SKAP1: variants seen among roughly 807,000 people sequenced by gnomAD.
SKAP1 encodes the protein src kinase-associated phosphoprotein 1.
In SKAP1, 44 loss-of-function variants were observed where a neutral mutation model predicts 58.5. The ratio of observed to expected loss-of-function variants is 0.75; its 90% CI spans 0.59 to 0.97. The LOEUF (loss-of-function observed/expected upper bound fraction) is 0.97, where lower values mean the gene tolerates loss of function less well. SKAP1 is among the 50% of genes least tolerant of loss of function. The probability of loss-of-function intolerance (pLI) is 0.00; values close to 1 mark genes in which losing one functional copy is unlikely to be tolerated. For synonymous variants in SKAP1, 127 were observed against 149.7 expected, an observed-to-expected ratio of 0.85 and a Z score of 1.11; for missense variants, 390 against 435.2, an observed-to-expected ratio of 0.90 and a Z score of 0.92.
chr17:48,264,559 A>T (rs2065520716), intron 4 of SKAP1, among the ~76,000 whole-genome samples: 1 of 152,202 alleles, frequency 6.6e-6, no homozygotes, highest in Non-Finnish European at 1.5e-5. Context: ...ATCCAAGGCA[A>T]AACTGAAAAG....
upstream of SKAP1, among the ~76,000 whole-genome samples, chr17:48,431,396 A>G (rs773490012): frequency 1.3e-5 from 2 of 152,254 alleles, no homozygotes; most frequent in Non-Finnish European, 2.9e-5. Context: ...GCTCTGAAAA[A>G]CACACCAGAC....
At chr17:48,193,252 A>G (rs1462169277) in intron 4 of SKAP1, among the ~76,000 whole-genome samples, 1 of 152,122 alleles carries the variant, frequency 6.6e-6, no homozygotes, top group African/African-American at 2.4e-5. Context: ...CATGTTGGTC[A>G]GGCTGGTCTT....
chr17:48,365,317 A>G (rs1349692206), intron 2 of SKAP1, among the ~76,000 whole-genome samples: 3 of 152,070 alleles, frequency 2.0e-5, no homozygotes, highest in African/African-American at 7.2e-5. Context: ...TTATTTGGAA[A>G]CTAAATTGCA....
intron 4 of SKAP1, among the ~76,000 whole-genome samples, chr17:48,229,404 T>C (rs1465389104): frequency 6.6e-6 from 1 of 152,046 alleles, no homozygotes; most frequent in African/African-American, 2.4e-5. Flanking sequence ...GCAGATCGCC[T>C]GAGGTCAGGA....
intron 9 of SKAP1, among the ~76,000 whole-genome samples, chr17:48,173,878 C>T (rs1598395572): frequency 1.3e-5 from 2 of 152,160 alleles, no homozygotes; most frequent in Admixed American, 6.5e-5. Context: ...TTGTAAAACT[C>T]GGCCACTGAC....
At chr17:48,218,027 A>G (rs2064961234) in intron 4 of SKAP1, among the ~76,000 whole-genome samples, 1 of 152,246 alleles carries the variant, frequency 6.6e-6, no homozygotes, top group Admixed American at 6.5e-5. Context: ...TTCATAGAGA[A>G]GGAGGAAGGT....
chr17:48,392,449 A>C (rs903454217), intron 2 of SKAP1, among the ~76,000 whole-genome samples: 6 of 152,240 alleles, frequency 3.9e-5, no homozygotes, highest in African/African-American at 1.4e-4. Context: ...AGAAGGAAAC[A>C]ATACTCCAAG....
At chr17:48,278,684 C>A (rs569707033) in intron 4 of SKAP1, among the ~76,000 whole-genome samples, 1 of 151,974 alleles carries the variant, frequency 6.6e-6, no homozygotes, top group Non-Finnish European at 1.5e-5. Context: ...GAAATACTTA[C>A]GATGAAGAAT....
intron 4 of SKAP1, among the ~76,000 whole-genome samples, chr17:48,313,147 T>TG (rs976488848): frequency 0.014 from 58 of 4,056 alleles, no homozygotes; most frequent in Middle Eastern, 0.1. Flanking sequence ...GGCGGGGCGG[T>TG]GGGGGGGTGG....
intron 4 of SKAP1, among the ~76,000 whole-genome samples, chr17:48,333,022 T>C (rs1454735783): frequency 6.6e-6 from 1 of 152,298 alleles, no homozygotes; most frequent in East Asian, 1.9e-4. Flanking sequence ...AAAAGTAAAC[T>C]TAAAGTTGTG....
intron 9 of SKAP1, among the ~76,000 whole-genome samples, chr17:48,172,201 T>C (rs1481978175): frequency 6.6e-6 from 1 of 152,246 alleles, no homozygotes; most frequent in Non-Finnish European, 1.5e-5. Flanking sequence ...AGTTATCTTT[T>C]TACTGTTTTT....
At chr17:48,319,339 A>G in intron 4 of SKAP1, among the ~76,000 whole-genome samples, 1 of 152,140 alleles carries the variant, frequency 6.6e-6, no homozygotes, top group East Asian at 1.9e-4. Flanking sequence ...ATGTAAAAGA[A>G]TAGGGATTGG....
chr17:48,228,211 TAGAG>T (rs759427904), intron 4 of SKAP1, among the ~76,000 whole-genome samples: 2 of 151,780 alleles, frequency 1.3e-5, no homozygotes, highest in African/African-American at 2.4e-5. Context: ...GATAGAGAGA[TAGAG>T]AGATTGAATG....
At chr17:48,209,113 A>C (rs2064842476) in intron 4 of SKAP1, among the ~76,000 whole-genome samples, 1 of 152,186 alleles carries the variant, frequency 6.6e-6, no homozygotes, top group South Asian at 2.1e-4. Context: ...CCTCCTAGTT[A>C]GTAAGTGGAC....
Position 48,189,512 on chromosome 17 carries a change from A to C in SKAP1, c.281-12T>G. On this transcript the variant is annotated splice_polypyrimidine_tract_variant and intron_variant, in intron 4 of 12. Transcript: ENST00000336915. ...GATGTCTTCCATTCCTAAAAGGACC[A>C]ATGGCAAAATGCTTTATTGAAACCT... 6.2e-7 allele frequency: 1 copy of C among 1,603,028 alleles called. No individual in the cohort carries two copies.
At chr17:48,221,957 AT>A in intron 4 of SKAP1, among the ~76,000 whole-genome samples, 2 of 152,284 alleles carry the variant, frequency 1.3e-5, no homozygotes, top group East Asian at 3.9e-4. Context: ...AGAAAGCCCA[AT>A]TGGTTAACAT....
chr17:48,305,087 T>C (rs1337038310), intron 4 of SKAP1, among the ~76,000 whole-genome samples: 2 of 152,230 alleles, frequency 1.3e-5, no homozygotes, highest in Admixed American at 1.3e-4. Context: ...GATTTTTATA[T>C]TTCTAAATGG....
intron 4 of SKAP1, among the ~76,000 whole-genome samples, chr17:48,298,572 T>C (rs1410580704): frequency 1.3e-5 from 2 of 152,258 alleles, no homozygotes; most frequent in East Asian, 3.8e-4. Flanking sequence ...CACTGAGTAG[T>C]ACACTATTCC....
intron 4 of SKAP1, among the ~76,000 whole-genome samples, chr17:48,272,202 C>T (rs2065642667): frequency 6.6e-6 from 1 of 150,830 alleles, no homozygotes. Context: ...GGTGCGATCT[C>T]AGCTCAGTGC....
Sources: gnomAD v4.1 joint callset for allele counts (sites outside exome capture counted in the v4.1 genomes callset) on GRCh38, gnomAD v4.1.1 for gene constraint, MANE v1.5 for transcripts, NCBI Gene and HGNC (gene_info 2026-07-23, HGNC 2026-07-21) for gene names.